Variants in GRHL2 observed in about 807,000 individuals in gnomAD.
GRHL2 encodes the protein grainyhead like transcription factor 2.
GRHL2 carries 21 observed loss-of-function variants against 83.8 expected under a neutral mutation model. The observed-to-expected ratio is 0.25, with a 90% CI of 0.18 to 0.36. The LOEUF (loss-of-function observed/expected upper bound fraction) is 0.36. Ranked by LOEUF, GRHL2 falls within the 10% of genes least tolerant of loss-of-function variation. The pLI, the probability that GRHL2 is intolerant of heterozygous loss-of-function variation, is 1.00. For missense variants in GRHL2, 623 were observed against 781.8 expected (o/e 0.80, Z 2.42); for synonymous variants, 280 against 278.9 (o/e 1.00, Z -0.04).
Position 101,492,558 on chromosome 8 carries a change from G to GC in GRHL2, c.-205dup, listed in dbSNP as rs747081224. 50 of 653,930 alleles carry GC rather than the reference G, an allele frequency of 7.6e-5. No homozygotes were observed. The highest frequency in any genetic ancestry group is 4.4e-4 in the East Asian group (16 of 36,634). The allele number at this position is 653,930 out of a possible 1,614,324, so 40.5% of individuals were successfully genotyped here. ...TCCGAGCTCGGGCCCCATGTGAGGGGCCCCCCCTTATCCCACCTTTCCGGC... is the reference window on the plus strand; with the variant it reads ...TCCGAGCTCGGGCCCCATGTGAGGGGCCCCCCCCTTATCCCACCTTTCCGGC... On this transcript the variant is annotated 5_prime_UTR_variant, in exon 1 of 16. Transcript: ENST00000646743.
rs531455678 is a variant in GRHL2, at chr8:101,578,154, T to C, written c.1003+635T>C. Among the ~76,000 whole-genome samples the C allele has an allele frequency of 2.0e-5, 3 of 152,280 alleles. No homozygotes were observed. In the South Asian group the frequency reaches 6.2e-4, roughly 32 times the overall value. On this transcript the variant is annotated intron_variant, in intron 7 of 15. Transcript: ENST00000646743. ...GCAACACTCATGCCCAATAATTCACTGGGCATGAATTCATTGCCAAGGTTG... is the reference window on the plus strand; with the variant it reads ...GCAACACTCATGCCCAATAATTCACCGGGCATGAATTCATTGCCAAGGTTG...
chr8:101,593,962 G>A (rs943304499), intron 7 of GRHL2, among the ~76,000 whole-genome samples: 10 of 150,104 alleles, frequency 6.7e-5, no homozygotes, highest in African/African-American at 1.5e-4. Context: ...CCAGCTACTC[G>A]GGAGGCTGAG....
At chr8:101,675,670 A>G in the GRHL2 span, among the ~76,000 whole-genome samples, 2 of 152,186 alleles carry the variant, frequency 1.3e-5, no homozygotes, top group African/African-American at 4.8e-5. Context: ...ATCCCCAACA[A>G]GCTACCAATG....
intron 8 of GRHL2, among the ~76,000 whole-genome samples, chr8:101,617,447 G>C (rs1458308059): frequency 6.6e-6 from 1 of 152,088 alleles, no homozygotes; most frequent in Non-Finnish European, 1.5e-5. Flanking sequence ...ACAGGCTTTG[G>C]GTTTGAAATG....
chr8:101,502,157 A>T (rs1307101462), intron 1 of GRHL2, among the ~76,000 whole-genome samples: 2 of 152,232 alleles, frequency 1.3e-5, no homozygotes, highest in Admixed American at 6.5e-5. Flanking sequence ...CATTGCCAAT[A>T]AGATAATTAA....
intron 7 of GRHL2, among the ~76,000 whole-genome samples, chr8:101,595,765 A>AG (rs1388147364): frequency 2.5e-5 from 3 of 117,708 alleles, no homozygotes; most frequent in African/African-American, 7.6e-5. Context: ...GAATACCCTA[A>AG]GAAAAAAAAA....
intron 2 of GRHL2, 177 bp downstream of exon 2, chr8:101,543,613 A>T: frequency 1.5e-6 from 1 of 681,568 alleles, no homozygotes; most frequent in South Asian, 1.6e-5. Context: ...TACAAAGCTC[A>T]ACTTTATCAC....
chr8:101,620,395 G>A (rs1406465840), intron 9 of GRHL2, among the ~76,000 whole-genome samples: 2 of 152,186 alleles, frequency 1.3e-5, no homozygotes, highest in Admixed American at 1.3e-4. Context: ...CATAGACCCT[G>A]TCCCAGAGCA....
chr8:101,680,361 A>G, the GRHL2 span, among the ~76,000 whole-genome samples: 1 of 147,328 alleles, frequency 6.8e-6, no homozygotes, highest in South Asian at 2.2e-4. Flanking sequence ...GGATCAATTC[A>G]ACAAGAAGAG....
intron 7 of GRHL2, among the ~76,000 whole-genome samples, chr8:101,591,673 T>C (rs1365805079): frequency 6.6e-6 from 1 of 152,172 alleles, no homozygotes; most frequent in Non-Finnish European, 1.5e-5. Context: ...TTACCAGCTA[T>C]GTGATTTTCC....
chr8:101,631,785 G>A lies in GRHL2; in HGVS notation c.1345+61G>A, dbSNP rs549476002. ...ACTCCAGGTGGGCTGTGTCCACTGG[G>A]GGAACAGGTGGAAGAAGTGGGTTGC... On this transcript the variant is annotated intron_variant, in intron 10 of 15. Coordinates refer to ENST00000646743, the MANE Select transcript of GRHL2 (RefSeq NM_024915.4). 2.9e-4 allele frequency: 390 copies of A among 1,340,456 alleles called. 4 individuals carry two copies. The South Asian group carries it at 4.5e-3, about 15-fold the overall frequency. 83.0% of individuals were successfully genotyped at this position (1,340,456 alleles called of 1,614,324 possible). A position where few individuals can be genotyped will look rare whatever the true frequency, so the allele number is the denominator to read the frequency against.
At chr8:101,677,647 A>G in the GRHL2 span, among the ~76,000 whole-genome samples, 1 of 152,186 alleles carries the variant, frequency 6.6e-6, no homozygotes, top group Admixed American at 6.5e-5. Flanking sequence ...CTGCATTTTG[A>G]AGTATTTTCA....
chr8:101,525,523 CT>C lies in GRHL2; in HGVS notation c.21-17708del, dbSNP rs370591789. 1.9e-4 allele frequency among the ~76,000 whole-genome samples: 28 copies of C among 148,210 alleles called. 1 individual carries two copies. The highest frequency in any genetic ancestry group is 1.8e-3 in the East Asian group (9 of 5,048). On this transcript the variant is annotated intron_variant, in intron 1 of 15. Coordinates refer to ENST00000646743, the MANE Select transcript of GRHL2 (RefSeq NM_024915.4). ...TTATTTCATTATTATGCTTTTTAAC[CT>C]TTTTTTTTTCTTTTTGAGATGATAT...
downstream of GRHL2, among the ~76,000 whole-genome samples, chr8:101,672,928 C>A (rs1451119106): frequency 2.0e-5 from 3 of 149,858 alleles, no homozygotes; most frequent in Non-Finnish European, 4.5e-5. Flanking sequence ...AATTTTCAAC[C>A]CAGAATTTCA....
chr8:101,601,046 G>A (rs1298237098), intron 8 of GRHL2, among the ~76,000 whole-genome samples: 1 of 152,032 alleles, frequency 6.6e-6, no homozygotes, highest in Non-Finnish European at 1.5e-5. Context: ...TGAAGTCCTA[G>A]CTACTCAAGA....
At chr8:101,584,653 C>CA (rs559302322) in intron 7 of GRHL2, among the ~76,000 whole-genome samples, 73 of 152,334 alleles carry the variant, frequency 4.8e-4, no homozygotes, top group African/African-American at 1.6e-3. Flanking sequence ...ATGAGCCCTA[C>CA]AAGCATGCTT....
intron 7 of GRHL2, among the ~76,000 whole-genome samples, chr8:101,580,529 A>G (rs1186652774): frequency 6.6e-6 from 1 of 151,972 alleles, no homozygotes; most frequent in Non-Finnish European, 1.5e-5. Flanking sequence ...TGCTGGGATT[A>G]CAGGCGAGAG....
At chr8:101,494,944 G>A (rs75341851) in intron 1 of GRHL2, among the ~76,000 whole-genome samples, 3,831 of 152,288 alleles carry the variant, frequency 0.025, 81 homozygotes, top group Middle Eastern at 0.075. Context: ...TTACAATGGT[G>A]CAAGGAGATA....
intron 1 of GRHL2, among the ~76,000 whole-genome samples, chr8:101,538,370 T>C (rs1443207293): frequency 6.6e-6 from 1 of 152,048 alleles, no homozygotes; most frequent in Non-Finnish European, 1.5e-5. Flanking sequence ...CTTCAGCTGA[T>C]GACTCATCTC....
Sources: gnomAD v4.1 joint callset for allele counts (sites outside exome capture counted in the v4.1 genomes callset) on GRCh38, gnomAD v4.1.1 for gene constraint, MANE v1.5 for transcripts, NCBI Gene and HGNC (gene_info 2026-07-23, HGNC 2026-07-21) for gene names.